The following CLPTM1L variants were observed in gnomAD, a reference collection of about 807,000 sequenced individuals.
The protein encoded by CLPTM1L is lipid scramblase CLPTM1L.
A neutral mutation model predicts 70.9 loss-of-function variants in CLPTM1L; 38 were observed. The ratio of observed to expected loss-of-function variants is 0.54; its 90% CI spans 0.41 to 0.70. CLPTM1L has a LOEUF of 0.70. Among genes scored for constraint, CLPTM1L ranks in the 30% least tolerant of loss-of-function variants. The probability of loss-of-function intolerance (pLI) is 0.00; values close to 1 mark genes in which losing one functional copy is unlikely to be tolerated. For missense variants in CLPTM1L, 652 were observed against 705.9 expected, an observed-to-expected ratio of 0.92 and a Z score of 0.87; for synonymous variants, 339 against 299.9, an observed-to-expected ratio of 1.13 and a Z score of -1.35.
Position 1,335,038 on chromosome 5 carries a change from G to T in CLPTM1L, c.796+19C>A. ...TCCAGGGCGGCCTCACCCAGGCGCC[G>T]GCCGTGTGCGGCACATACCGAACTG... On this transcript the variant is annotated intron_variant, in intron 6 of 16. Transcript: ENST00000320895. The T allele has an allele frequency of 6.2e-7, 1 of 1,602,248 alleles. No homozygotes were observed. Among genetic ancestry groups the T allele is most frequent in the Non-Finnish European group, 8.5e-7 (1 of 1,170,904 alleles).
intron 4 of CLPTM1L, among the ~76,000 whole-genome samples, 197 bp downstream of exon 4, chr5:1,338,662 AT>A (rs1753738098): frequency 6.6e-6 from 1 of 152,162 alleles, no homozygotes; most frequent in East Asian, 1.9e-4. Context: ...TCCAGCTTGA[AT>A]TCCTTTCTCC....
chr5:1,321,930 T>C (rs1561228415), intron 13 of CLPTM1L, 111 bp from the exon 14 acceptor site: 1 of 960,018 alleles, frequency 1.0e-6, no homozygotes, highest in South Asian at 1.4e-5. Flanking sequence ...CTATGCATAG[T>C]GGGCAGAAAA....
rs7727912 is a variant in CLPTM1L at position 1,318,845 on chromosome 5, T to C, written c.1533-392A>G. Reference sequence around the variant, plus strand: ...ACCACGTCTCATCAGCTGTGAACACTTGGCAGGACACTGCCGCCGCCTTTG... The same window carrying C: ...ACCACGTCTCATCAGCTGTGAACACCTGGCAGGACACTGCCGCCGCCTTTG... On this transcript the variant is annotated intron_variant, in intron 16 of 16. Transcript: ENST00000320895. This position sits in a 1 kb window ranked among gnomAD's most constrained non-coding sequence, Gnocchi z 8.9. Among the ~76,000 whole-genome samples the C allele has an allele frequency of 0.065, 9,838 of 152,270 alleles. 450 individuals are homozygous for C. The highest frequency in any genetic ancestry group is 0.094 in the Non-Finnish European group (6,380 of 68,008).
intron 5 of CLPTM1L, among the ~76,000 whole-genome samples, chr5:1,335,833 GC>G (rs1437960214): frequency 6.6e-6 from 1 of 152,198 alleles, no homozygotes; most frequent in Non-Finnish European, 1.5e-5. Context: ...ACAAGCGCGA[GC>G]CCACACCCTA....
At position 1,318,811 on chromosome 5, in the gene CLPTM1L, T is replaced by C. The variant is rs1341329101; in HGVS notation, c.1533-358A>G. 6.6e-6 allele frequency among the ~76,000 whole-genome samples: 1 copy of C among 152,180 alleles called. No individual in the cohort carries two copies. Among genetic ancestry groups the C allele is most frequent in the Non-Finnish European group, 1.5e-5 (1 of 68,028 alleles). ...CGAGTGATCAGAACAGGAACCGCTG[T>C]GTTCAGGGACCACGTCTCATCAGCT... On this transcript the variant is annotated intron_variant, in intron 16 of 16. Coordinates refer to ENST00000320895, the MANE Select transcript of CLPTM1L (RefSeq NM_030782.5). The surrounding 1 kb of genome is among the most constrained non-coding windows in gnomAD (Gnocchi z 8.9).
chr5:1,326,847 C>A (rs560274114), intron 9 of CLPTM1L, among the ~76,000 whole-genome samples: 1 of 148,510 alleles, frequency 6.7e-6, no homozygotes, highest in African/African-American at 2.5e-5. Flanking sequence ...CCTCGACAGA[C>A]ACATTTCATC....
chr5:1,340,539 A>C (rs928219272), intron 3 of CLPTM1L, among the ~76,000 whole-genome samples: 2 of 152,170 alleles, frequency 1.3e-5, no homozygotes, highest in African/African-American at 2.4e-5. Context: ...TTCCTGCGCT[A>C]CATGCTACAT....
chr5:1,321,945 G>A, intron 13 of CLPTM1L, 126 bp from the exon 14 acceptor site: 1 of 837,592 alleles, frequency 1.2e-6, no homozygotes, highest in East Asian at 2.6e-5. Context: ...AGAAAACAAG[G>A]TCTGCTATCC....
In CLPTM1L at chr5:1,344,785, G is replaced by A. The variant is rs1396458776; in HGVS notation, c.57C>T (p.Tyr19=). Residue 19 remains tyrosine, a synonymous_variant, in exon 1 of 17, where the codon TAC becomes TAT. Coordinates refer to ENST00000320895, the MANE Select transcript of CLPTM1L (RefSeq NM_030782.5). ...TSLVVGVFVV[Y]VVHTCWVMYG... The stretch of plus-strand genomic sequence containing the variant: ...ACATGACCCAGCAGGTGTGCACCAC[G>A]TAGACCACGAACACGCCCACCACCA... The A allele has an allele frequency of 2.5e-6, 4 of 1,605,550 alleles. No individual in the cohort carries two copies. Among genetic ancestry groups the A allele is most frequent in the Middle Eastern group, 1.7e-4 (1 of 6,044 alleles).
chr5:1,332,789 A>C (rs2111232288), intron 7 of CLPTM1L, among the ~76,000 whole-genome samples: 1 of 152,334 alleles, frequency 6.6e-6, no homozygotes. Context: ...TTAACTTATA[A>C]ATTGAACTTT....
At position 1,344,383 on chromosome 5, in the gene CLPTM1L, C is replaced by G. The variant is rs144759255; in HGVS notation, c.231G>C (p.Val77=). 5.8e-4 allele frequency: 935 copies of G among 1,613,896 alleles called. 2 individuals are homozygous for G. The African/African-American group carries it at 8.5e-3, about 15-fold the overall frequency. ...ATTTGGACTCCACATCAAAGTCTTC[C>G]ACATTCAAGACCAGGTCGATGTTGT... ...AENNIDLVLN[V]EDFDVESKFE... The change falls in exon 2 of 17, where the codon GTG becomes GTC. Residue 77 remains valine, a synonymous_variant. Coordinates refer to ENST00000320895, the MANE Select transcript of CLPTM1L (RefSeq NM_030782.5).
chr5:1,322,718 G>T (rs779603551), intron 13 of CLPTM1L, 159 bp downstream of exon 13: 1 of 744,856 alleles, frequency 1.3e-6, no homozygotes, highest in East Asian at 2.5e-5. Flanking sequence ...CTCACAGCCT[G>T]GGGGGAGCCC....
rs1161993507 is a variant in CLPTM1L at position 1,324,762 on chromosome 5, C to T, written c.1197+1G>A. 2.5e-6 allele frequency: 4 copies of T among 1,613,916 alleles called. No individual in the cohort carries two copies. Among genetic ancestry groups the T allele is most frequent in the Non-Finnish European group, 1.7e-6 (2 of 1,179,874 alleles). On this transcript the variant is annotated splice_donor_variant, in intron 11 of 16. Coordinates refer to ENST00000320895, the MANE Select transcript of CLPTM1L (RefSeq NM_030782.5). LOFTEE classifies it high-confidence loss of function. ...CGTGCCCTGAATCACAAGTGACTTA[C>T]CTGAGTATCGTACTCCTCGGTTTTC...
In CLPTM1L at chr5:1,319,985, C is replaced by T. The variant is rs569817215; in HGVS notation, c.1532+631G>A. ...GGCAGATGTCAGCCCTGGAGGGAAG[C>T]GGGAGGCCCAGGGTGGGGCCTGAGC... On this transcript the variant is annotated intron_variant, in intron 16 of 16. Coordinates refer to ENST00000320895, the MANE Select transcript of CLPTM1L (RefSeq NM_030782.5). 3.9e-5 allele frequency among the ~76,000 whole-genome samples: 6 copies of T among 152,326 alleles called. No homozygotes were observed. The South Asian group carries it at 6.2e-4, about 16-fold the overall frequency.
In CLPTM1L at chr5:1,342,039, T is replaced by TGTGTGTGTGTGTGCGCGCGC. The variant is rs3222913; in HGVS notation, c.264-180_264-179insGCGCGCGCACACACACACAC. Among the ~76,000 whole-genome samples, 49 of 149,090 alleles carry TGTGTGTGTGTGTGCGCGCGC rather than the reference T, an allele frequency of 3.3e-4. No individual in the cohort carries two copies. The highest frequency in any genetic ancestry group is 1.2e-3 in the African/African-American group (46 of 39,784). ...GTGTGTGTGTGTGTGTGTGTGTGTGTGCACGCGCACGCGTGCGCGTCCTGA... is the reference window on the plus strand; with the variant it reads ...GTGTGTGTGTGTGTGTGTGTGTGTGTGTGTGTGTGTGTGCGCGCGCGCACGCGCACGCGTGCGCGTCCTGA... On this transcript the variant is annotated intron_variant, in intron 2 of 16. Transcript: ENST00000320895. The surrounding 1 kb of genome is among the most constrained non-coding windows in gnomAD (Gnocchi z 4.3).
chr5:1,338,114 T>C (rs1753698328), intron 4 of CLPTM1L, 132 bp from the exon 5 acceptor site: 2 of 731,546 alleles, frequency 2.7e-6, no homozygotes, highest in East Asian at 2.7e-5. Flanking sequence ...TCAGTCACAA[T>C]GACCCCAGGG....
At chr5:1,325,412 C>T (rs796104970) in intron 10 of CLPTM1L, 17 of 380,456 alleles carry the variant, frequency 4.5e-5, no homozygotes, top group South Asian at 1.3e-4. Flanking sequence ...CAGGACTGTA[C>T]GGACCCCAGT....
intron 13 of CLPTM1L, 105 bp downstream of exon 13, chr5:1,322,772 C>T: frequency 8.2e-7 from 1 of 1,218,266 alleles, no homozygotes; most frequent in South Asian, 1.2e-5. Flanking sequence ...AGGGATTAGC[C>T]TCAAATCACA....
chr5:1,331,647 T>C, intron 8 of CLPTM1L, 152 bp downstream of exon 8: 3 of 665,284 alleles, frequency 4.5e-6, no homozygotes, highest in Non-Finnish European at 5.2e-6. Context: ...CCCTGGGCTT[T>C]ACGGTGCCTG....
Sources: gnomAD v4.1 joint callset for allele counts (sites outside exome capture counted in the v4.1 genomes callset) on GRCh38, gnomAD v4.1.1 for gene constraint, Gnocchi (gnomAD v3.1) non-coding constraint, MANE v1.5 for transcripts, NCBI Gene and HGNC (gene_info 2026-07-23, HGNC 2026-07-21) for gene names.